The following NAALADL2 variants were observed in gnomAD, a reference collection of about 807,000 sequenced individuals.
NAALADL2 encodes inactive N-acetylated-alpha-linked acidic dipeptidase-like protein 2.
In NAALADL2, 76 loss-of-function variants were observed where a neutral mutation model predicts 87.2. That is an observed-to-expected ratio of 0.87 (90% CI 0.72 to 1.05). The LOEUF (loss-of-function observed/expected upper bound fraction) is 1.05. NAALADL2 is among the 50% of genes least tolerant of loss of function. The probability of loss-of-function intolerance (pLI) is 0.00; values close to 1 mark genes in which losing one functional copy is unlikely to be tolerated. For missense variants in NAALADL2, 1,089 were observed against 945.8 expected, an observed-to-expected ratio of 1.15 and a Z score of -1.99; for synonymous variants, 354 against 331.0, an observed-to-expected ratio of 1.07 and a Z score of -0.75.
intron 1 of NAALADL2, among the ~76,000 whole-genome samples, chr3:174,481,640 A>T (rs1320292847): frequency 1.3e-5 from 2 of 152,076 alleles, no homozygotes. Context: ...CTCAACATAT[A>T]GTTGTATTCA....
intron 1 of NAALADL2, among the ~76,000 whole-genome samples, chr3:174,976,191 G>T (rs1744340101): frequency 6.6e-6 from 1 of 152,026 alleles, no homozygotes; most frequent in African/African-American, 2.4e-5. Context: ...TGTTTAGAAA[G>T]ATTTGAAAGC....
intron 11 of NAALADL2, among the ~76,000 whole-genome samples, chr3:175,661,202 A>G (rs1032405820): frequency 6.6e-6 from 1 of 152,018 alleles, no homozygotes; most frequent in Non-Finnish European, 1.5e-5. Context: ...CTGGGGTGAA[A>G]TGATATCTCA....
At chr3:174,808,020 T>C (rs1003006256) in intron 3 of NAALADL2, among the ~76,000 whole-genome samples, 3 of 152,066 alleles carry the variant, frequency 2.0e-5, no homozygotes, top group Non-Finnish European at 2.9e-5. Context: ...GCTTTTGAAT[T>C]TGTATATTGG....
At chr3:175,410,865 C>T (rs950216603) in intron 5 of NAALADL2, among the ~76,000 whole-genome samples, 3 of 152,108 alleles carry the variant, frequency 2.0e-5, no homozygotes, top group Non-Finnish European at 4.4e-5. Flanking sequence ...AGTGGACAGA[C>T]GCCCTCTTTT....
At chr3:175,150,487 T>C (rs193138606) in intron 2 of NAALADL2, among the ~76,000 whole-genome samples, 1 of 152,294 alleles carries the variant, frequency 6.6e-6, no homozygotes, top group Non-Finnish European at 1.5e-5. Context: ...TTGTTTGTCT[T>C]TTGGAGCAAT....
intron 4 of NAALADL2, among the ~76,000 whole-genome samples, chr3:175,300,814 C>T (rs1186590406): frequency 6.7e-6 from 1 of 149,060 alleles, no homozygotes; most frequent in Non-Finnish European, 1.5e-5. Context: ...TTATTTTGAG[C>T]TCACTGCAAC....
chr3:175,423,028 A>ATATATATATAT (rs1553890338), intron 5 of NAALADL2, among the ~76,000 whole-genome samples: 1 of 111,320 alleles, frequency 9.0e-6, no homozygotes, highest in African/African-American at 4.1e-5. Context: ...GAAAAAAAAA[A>ATATATATATAT]ATATATATAT....
intron 2 of NAALADL2, among the ~76,000 whole-genome samples, chr3:174,634,026 A>T (rs147183589): frequency 3.6e-4 from 55 of 152,332 alleles, no homozygotes; most frequent in Admixed American, 8.5e-4. Flanking sequence ...AATTGCTCAG[A>T]TGATTAAATT....
intron 1 of NAALADL2, among the ~76,000 whole-genome samples, chr3:174,920,390 C>A (rs1734993898): frequency 6.6e-6 from 1 of 152,196 alleles, no homozygotes; most frequent in Non-Finnish European, 1.5e-5. Context: ...GCATTTGCTG[C>A]TTCACCCTGT....
At chr3:175,043,003 T>C (rs756247360) in intron 1 of NAALADL2, among the ~76,000 whole-genome samples, 34 of 152,146 alleles carry the variant, frequency 2.2e-4, no homozygotes, top group Non-Finnish European at 4.3e-4. Context: ...CTGCACACAC[T>C]GGCTATCCCT....
chr3:175,595,880 GA>G (rs1051463249), intron 10 of NAALADL2, among the ~76,000 whole-genome samples: 5 of 151,824 alleles, frequency 3.3e-5, no homozygotes, highest in Non-Finnish European at 5.9e-5. Context: ...CAGAAAATTA[GA>G]AAAAACTATG....
chr3:175,216,355 T>C (rs962604701), intron 2 of NAALADL2, among the ~76,000 whole-genome samples: 1 of 152,120 alleles, frequency 6.6e-6, no homozygotes, highest in Non-Finnish European at 1.5e-5. Context: ...TTCAATTACC[T>C]CAGACTTAAT....
intron 8 of NAALADL2, among the ~76,000 whole-genome samples, chr3:175,467,445 CTTA>C (rs1230434234): frequency 1.3e-5 from 2 of 152,006 alleles, no homozygotes; most frequent in African/African-American, 2.4e-5. Flanking sequence ...TAGTGTTTAC[CTTA>C]TTATTGTATT....
At chr3:174,838,028 A>AG (rs1192079452) in intron 3 of NAALADL2, among the ~76,000 whole-genome samples, 1 of 135,944 alleles carries the variant, frequency 7.4e-6, no homozygotes, top group Non-Finnish European at 1.6e-5. Flanking sequence ...AAAGAAAAAA[A>AG]AAAAAAAAGA....
At chr3:175,090,493 G>A in intron 1 of NAALADL2, among the ~76,000 whole-genome samples, 1 of 151,878 alleles carries the variant, frequency 6.6e-6, no homozygotes, top group East Asian at 1.9e-4. Context: ...CCTACTCGGG[G>A]AACTAGCAGG....
At chr3:175,456,083 C>T (rs1581960302) in intron 6 of NAALADL2, among the ~76,000 whole-genome samples, 1 of 151,946 alleles carries the variant, frequency 6.6e-6, no homozygotes, top group Admixed American at 6.6e-5. Context: ...TTTCTAGATA[C>T]TTGGTATAAT....
At chr3:175,777,640 T>G (rs1372245798) in intron 13 of NAALADL2, among the ~76,000 whole-genome samples, 1 of 152,148 alleles carries the variant, frequency 6.6e-6, no homozygotes, top group Non-Finnish European at 1.5e-5. Flanking sequence ...ATGTGACTAG[T>G]GCTATGATAA....
chr3:175,295,356 C>T (rs7612362), intron 4 of NAALADL2, among the ~76,000 whole-genome samples: 67,942 of 151,854 alleles, frequency 0.45, 16,182 homozygotes, highest in Non-Finnish European at 0.52. Context: ...TTAGCTCAAC[C>T]TGGCCAAACC....
chr3:174,561,443 A>G (rs2203476), intron 2 of NAALADL2, among the ~76,000 whole-genome samples: 84,868 of 151,566 alleles, frequency 0.56, 26,335 homozygotes, highest in African/African-American at 0.82. Flanking sequence ...CTTGTGATCC[A>G]CCCTCCTCGG....
Sources: allele counts gnomAD v4.1 joint callset (sites outside exome capture counted in the v4.1 genomes callset), GRCh38; gene constraint gnomAD v4.1.1; transcripts MANE v1.5; gene names NCBI Gene and HGNC (gene_info 2026-07-23, HGNC 2026-07-21).